The following ATG7 variants were observed in gnomAD, a reference collection of about 807,000 sequenced individuals.
The protein encoded by ATG7 is autophagy related 7.
Under a neutral mutation model 82.4 loss-of-function variants are expected in ATG7, and 70 were observed. That is an observed-to-expected ratio of 0.85 (90% CI 0.70 to 1.04). The LOEUF (loss-of-function observed/expected upper bound fraction) is 1.04. Ranked by LOEUF, ATG7 falls within the 50% of genes least tolerant of loss-of-function variation. The pLI, the probability that ATG7 is intolerant of heterozygous loss-of-function variation, is 0.00. For synonymous variants in ATG7, 287 were observed against 313.0 expected, an observed-to-expected ratio of 0.92 and a Z score of 0.88; for missense variants, 792 against 864.3, an observed-to-expected ratio of 0.92 and a Z score of 1.05.
At chr3:11,403,689 G>T (rs77803380) in intron 19 of ATG7, among the ~76,000 whole-genome samples, 1 of 152,070 alleles carries the variant, frequency 6.6e-6, no homozygotes, top group Middle Eastern at 3.2e-3. Context: ...AAATTAATAC[G>T]AATGCTAATG....
chr3:11,358,214 AG>A (rs1263586685), intron 14 of ATG7, among the ~76,000 whole-genome samples: 1 of 151,942 alleles, frequency 6.6e-6, no homozygotes, highest in African/African-American at 2.4e-5. Flanking sequence ...GCCCTGCCTC[AG>A]GGCCCTGGGG....
chr3:11,324,816 C>G (rs116512463), intron 9 of ATG7, among the ~76,000 whole-genome samples: 1 of 151,986 alleles, frequency 6.6e-6, no homozygotes, highest in Admixed American at 6.6e-5. Context: ...GCCTAGACCC[C>G]GAGAATATTT....
intron 5 of ATG7, among the ~76,000 whole-genome samples, chr3:11,302,067 C>T (rs532424568): frequency 3.3e-5 from 5 of 152,226 alleles, no homozygotes; most frequent in Admixed American, 6.5e-5. Context: ...TTTCTTTAAC[C>T]GTTGAATACC....
rs182033462 is a variant in ATG7 at position 11,397,581 on chromosome 3, C to T, written c.1956+17529C>T. On this transcript the variant is annotated intron_variant, in intron 19 of 20. Transcript: ENST00000693202. Reference sequence around the variant, plus strand: ...CAAATGATTCTCCTGCCTCAGCCTCCGAGTAACTGGGACTACAGGCACATG... The same window carrying T: ...CAAATGATTCTCCTGCCTCAGCCTCTGAGTAACTGGGACTACAGGCACATG... Among the ~76,000 whole-genome samples the T allele has an allele frequency of 2.6e-5, 4 of 151,850 alleles. No individual in the cohort carries two copies. In the East Asian group the frequency reaches 5.9e-4, roughly 22 times the overall value.
intron 20 of ATG7, among the ~76,000 whole-genome samples, chr3:11,496,171 A>C (rs567258816): frequency 2.1e-4 from 32 of 152,340 alleles, no homozygotes; most frequent in African/African-American, 7.0e-4. Context: ...ACTAAAAAAA[A>C]CATCCACAGA....
intron 20 of ATG7, among the ~76,000 whole-genome samples, chr3:11,518,219 G>T: frequency 6.6e-6 from 1 of 150,638 alleles, no homozygotes; most frequent in Non-Finnish European, 1.5e-5. Flanking sequence ...ATGCTGTGAG[G>T]ATACTGAATG....
At chr3:11,408,197 C>G (rs1385266369) in intron 19 of ATG7, among the ~76,000 whole-genome samples, 2 of 152,222 alleles carry the variant, frequency 1.3e-5, no homozygotes, top group African/African-American at 4.8e-5. Flanking sequence ...CCACAAATCT[C>G]TAGGGCAGGA....
At chr3:11,386,676 G>C (rs1191628769) in intron 19 of ATG7, among the ~76,000 whole-genome samples, 1 of 152,176 alleles carries the variant, frequency 6.6e-6, no homozygotes, top group Non-Finnish European at 1.5e-5. Context: ...TTTGGAAAAT[G>C]ATGAGTAACC....
chr3:11,558,454 T>TGC, downstream of ATG7: 1,983 of 1,063,702 alleles, frequency 1.9e-3, 1 homozygote, highest in Non-Finnish European at 2.2e-3. Flanking sequence ...TCCCTTCCCT[T>TGC]CCCCCCACCC....
chr3:11,407,772 A>G (rs997415629), intron 19 of ATG7, among the ~76,000 whole-genome samples: 5 of 152,136 alleles, frequency 3.3e-5, no homozygotes, highest in African/African-American at 1.2e-4. Flanking sequence ...CCTTTCAGCC[A>G]CAGCTGGAGT....
At chr3:11,324,586 G>C (rs1214794702) in intron 9 of ATG7, among the ~76,000 whole-genome samples, 1 of 152,020 alleles carries the variant, frequency 6.6e-6, no homozygotes, top group Admixed American at 6.5e-5. Context: ...GCTCTCTATA[G>C]CCCATGTTAG....
At chr3:11,446,472 C>T (rs1559641714) in intron 20 of ATG7, 1 of 428,884 alleles carries the variant, frequency 2.3e-6, no homozygotes. Context: ...TTGGCGTCAT[C>T]ATTCAAAATA....
At chr3:11,405,387 A>G (rs1310820039) in intron 19 of ATG7, among the ~76,000 whole-genome samples, 1 of 152,254 alleles carries the variant, frequency 6.6e-6, no homozygotes, top group Middle Eastern at 3.4e-3. Flanking sequence ...TGAGAATAGG[A>G]GAAGTTGAAA....
chr3:11,496,719 A>G (rs555684574), intron 20 of ATG7, among the ~76,000 whole-genome samples: 18 of 152,060 alleles, frequency 1.2e-4, no homozygotes, highest in Non-Finnish European at 2.6e-4. Context: ...AAGAATTGAG[A>G]GTGTTTTATG....
intron 20 of ATG7, among the ~76,000 whole-genome samples, chr3:11,499,167 C>T (rs2091116477): frequency 6.6e-6 from 1 of 152,178 alleles, no homozygotes; most frequent in Non-Finnish European, 1.5e-5. Flanking sequence ...TCTGAAATAA[C>T]CACAGTTATT....
At chr3:11,382,798 T>C (rs968730221) in intron 19 of ATG7, among the ~76,000 whole-genome samples, 4 of 152,224 alleles carry the variant, frequency 2.6e-5, no homozygotes, top group African/African-American at 7.2e-5. Flanking sequence ...TAACTTTCTA[T>C]TGATATAATT....
At chr3:11,390,352 A>G (rs777155862) in intron 19 of ATG7, among the ~76,000 whole-genome samples, 9 of 152,260 alleles carry the variant, frequency 5.9e-5, no homozygotes, top group Non-Finnish European at 1.2e-4. Flanking sequence ...TCCCAGCTCT[A>G]TTGGAGGAGC....
chr3:11,288,522 T>C (rs182637396), intron 3 of ATG7: 1 of 152,282 alleles, frequency 6.6e-6, no homozygotes, highest in East Asian at 1.9e-4. Context: ...GGGTTAGGAC[T>C]TTTTTCTTTA....
chr3:11,543,420 C>T (rs1423447543), intron 20 of ATG7, among the ~76,000 whole-genome samples: 2 of 152,226 alleles, frequency 1.3e-5, no homozygotes, highest in African/African-American at 2.4e-5. Flanking sequence ...CCCCCTGCCT[C>T]AGCCCTCAGC....
Sources: allele counts gnomAD v4.1 joint callset (sites outside exome capture counted in the v4.1 genomes callset), GRCh38; gene constraint gnomAD v4.1.1; transcripts MANE v1.5; gene names NCBI Gene and HGNC (gene_info 2026-07-23, HGNC 2026-07-21).